The following GTF2H1 variants were observed in gnomAD, a reference collection of about 807,000 sequenced individuals.
GTF2H1 encodes BTF2 p62.
A neutral mutation model predicts 71.2 loss-of-function variants in GTF2H1; 16 were observed. The ratio of observed to expected loss-of-function variants is 0.22; its 90% CI spans 0.15 to 0.34. The LOEUF (loss-of-function observed/expected upper bound fraction) is 0.34, where lower values mean the gene tolerates loss of function less well. Among genes scored for constraint, GTF2H1 ranks in the 10% least tolerant of loss-of-function variants. GTF2H1 has a pLI of 1.00. For missense variants in GTF2H1, 498 were observed against 648.2 expected (o/e 0.77, Z 2.52); for synonymous variants, 215 against 219.0 (o/e 0.98, Z 0.16).
intron 7 of GTF2H1, among the ~76,000 whole-genome samples, chr11:18,345,630 G>A (rs969094662): frequency 6.6e-6 from 1 of 151,588 alleles, no homozygotes; most frequent in African/African-American, 2.4e-5. Flanking sequence ...TCCTGAGTAG[G>A]TGGGATCATA....
At chr11:18,326,726 C>G (rs564076061) in intron 1 of GTF2H1, among the ~76,000 whole-genome samples, 1 of 152,264 alleles carries the variant, frequency 6.6e-6, no homozygotes, top group South Asian at 2.1e-4. Flanking sequence ...TCCTTGCTCA[C>G]TGCTTTTCTT....
intron 7 of GTF2H1, among the ~76,000 whole-genome samples, chr11:18,343,843 T>C (rs1284106879): frequency 6.6e-6 from 1 of 152,106 alleles, no homozygotes; most frequent in Non-Finnish European, 1.5e-5. Flanking sequence ...TGATTCTTCC[T>C]CTTCTTTTTT....
intron 3 of GTF2H1, among the ~76,000 whole-genome samples, 176 bp from the exon 4 acceptor site, chr11:18,337,933 T>C (rs527339053): frequency 6.6e-6 from 1 of 152,308 alleles, no homozygotes; most frequent in East Asian, 1.9e-4. Context: ...TCCAAAAATG[T>C]GGGGTATTTT....
chr11:18,331,437 C>T (rs184488508), intron 1 of GTF2H1, among the ~76,000 whole-genome samples: 2,698 of 152,052 alleles, frequency 0.018, 60 homozygotes, highest in African/African-American at 0.054. Flanking sequence ...GAGGCCAAGG[C>T]GGGTGGATCA....
chr11:18,365,138 G>A (rs1447422296), intron 14 of GTF2H1, among the ~76,000 whole-genome samples: 1 of 151,524 alleles, frequency 6.6e-6, no homozygotes, highest in Non-Finnish European at 1.5e-5. Context: ...AGCACTTTGG[G>A]AGGCTGAGGT....
intron 11 of GTF2H1, among the ~76,000 whole-genome samples, chr11:18,354,932 C>A (rs1430874413): frequency 6.6e-6 from 1 of 151,790 alleles, no homozygotes; most frequent in African/African-American, 2.4e-5. Flanking sequence ...CCTCAGCCCC[C>A]CAAGTAGCTG....
intron 9 of GTF2H1, among the ~76,000 whole-genome samples, chr11:18,349,488 G>A (rs1289590244): frequency 6.6e-6 from 1 of 152,098 alleles, no homozygotes; most frequent in Non-Finnish European, 1.5e-5. Context: ...TTCTAGATCA[G>A]CCTGGCCAGC....
intron 11 of GTF2H1, among the ~76,000 whole-genome samples, chr11:18,355,189 C>A (rs1865514095): frequency 6.6e-6 from 1 of 151,048 alleles, no homozygotes; most frequent in Non-Finnish European, 1.5e-5. Context: ...GTTGCCCAGG[C>A]TGGAGTGCAG....
chr11:18,339,807 A>G (rs1590187314), intron 5 of GTF2H1, 150 bp downstream of exon 5: 2 of 580,180 alleles, frequency 3.4e-6, no homozygotes, highest in South Asian at 2.1e-5. Flanking sequence ...GGTAGATACT[A>G]GGGGCTCAGT....
chr11:18,333,443 G>A, intron 2 of GTF2H1: 1 of 380,478 alleles, frequency 2.6e-6, no homozygotes, highest in Non-Finnish European at 4.7e-6. Flanking sequence ...AAATCTACCT[G>A]ACATATAGAT....
At chr11:18,327,163 T>C (rs1864786889) in intron 1 of GTF2H1, among the ~76,000 whole-genome samples, 1 of 152,174 alleles carries the variant, frequency 6.6e-6, no homozygotes, top group Non-Finnish European at 1.5e-5. Context: ...TTTCAAATTC[T>C]CACACTAGCA....
chr11:18,343,229 A>G (rs1865203731), intron 7 of GTF2H1, among the ~76,000 whole-genome samples: 1 of 152,110 alleles, frequency 6.6e-6, no homozygotes, highest in Admixed American at 6.6e-5. Context: ...GCCCAAGCCC[A>G]GTTTTTTTGT....
In GTF2H1 at chr11:18,362,287, C is replaced by T. The variant is rs371249661; in HGVS notation, c.1560+1580C>T. On this transcript the variant is annotated intron_variant, in intron 14 of 14. Transcript: ENST00000265963. ...TAAAAAGTGGTCCACCTGTAAAGGG[C>T]ATTTACCATAAATAGAGCCTGCAGG... Among the ~76,000 whole-genome samples, 50 of 152,172 alleles carry T rather than the reference C, an allele frequency of 3.3e-4. 2 individuals carry two copies. In the South Asian group the frequency reaches 1.0e-2, roughly 30 times the overall value.
intron 3 of GTF2H1, among the ~76,000 whole-genome samples, chr11:18,336,700 C>T (rs1865036378): frequency 6.6e-6 from 1 of 151,840 alleles, no homozygotes; most frequent in South Asian, 2.1e-4. Context: ...TGCTTATGAA[C>T]AAGAAACCTA....
chr11:18,331,891 A>G (rs1057375599), intron 1 of GTF2H1, among the ~76,000 whole-genome samples: 4 of 152,204 alleles, frequency 2.6e-5, no homozygotes, highest in Non-Finnish European at 4.4e-5. Context: ...CACAGGTCTC[A>G]CTCAGTCACC....
intron 13 of GTF2H1, 68 bp from the exon 14 acceptor site, chr11:18,360,547 G>C: frequency 1.4e-6 from 1 of 720,094 alleles, no homozygotes; most frequent in Non-Finnish European, 2.3e-6. Flanking sequence ...ATATGTAGAA[G>C]ATTGTTTTTC....
At chr11:18,338,964 T>C (rs1232108008) in intron 4 of GTF2H1, among the ~76,000 whole-genome samples, 1 of 152,148 alleles carries the variant, frequency 6.6e-6, no homozygotes, top group African/African-American at 2.4e-5. Context: ...TGCCATATTT[T>C]ACTTACAATA....
intron 11 of GTF2H1, among the ~76,000 whole-genome samples, chr11:18,353,267 T>C (rs1865468973): frequency 6.6e-6 from 1 of 152,028 alleles, no homozygotes; most frequent in Admixed American, 6.5e-5. Flanking sequence ...AATAAAAACA[T>C]GTATTTTATC....
Position 18,366,702 on chromosome 11 carries a change from G to C in GTF2H1, c.*833G>C, listed in dbSNP as rs1449802244. 6.6e-6 allele frequency: 1 copy of C among 152,482 alleles called. No individual in the cohort carries two copies. The highest frequency in any genetic ancestry group is 1.5e-5 in the Non-Finnish European group (1 of 68,042). 9.4% of individuals were successfully genotyped at this position (152,482 alleles called of 1,614,324 possible). A position where few individuals can be genotyped will look rare whatever the true frequency, so the allele number is the denominator to read the frequency against. On this transcript the variant is annotated 3_prime_UTR_variant, in exon 15 of 15. Transcript: ENST00000265963. ...TGCTAAGATTTTTTTAAGATGGCAT[G>C]TGCTTTGAAAAGAAGATATTGCATT... is the stretch of plus-strand genomic sequence containing the variant.
Sources: gnomAD v4.1 joint callset for allele counts (sites outside exome capture counted in the v4.1 genomes callset) on GRCh38, gnomAD v4.1.1 for gene constraint, MANE v1.5 for transcripts, NCBI Gene and HGNC (gene_info 2026-07-23, HGNC 2026-07-21) for gene names.